ACSL1: variants seen among roughly 807,000 people sequenced by gnomAD.
The protein encoded by ACSL1 is acyl-CoA synthetase long chain family member 1.
ACSL1 carries 41 observed loss-of-function variants against 98.4 expected under a neutral mutation model. That is an observed-to-expected ratio of 0.42 (90% CI 0.32 to 0.54). The LOEUF (loss-of-function observed/expected upper bound fraction) is 0.54. Ranked by LOEUF, ACSL1 falls within the 20% of genes least tolerant of loss-of-function variation. The probability of loss-of-function intolerance (pLI) is 0.13; values close to 1 mark genes in which losing one functional copy is unlikely to be tolerated. For synonymous variants in ACSL1, 316 were observed against 322.7 expected, an observed-to-expected ratio of 0.98 and a Z score of 0.22; for missense variants, 734 against 883.1, an observed-to-expected ratio of 0.83 and a Z score of 2.14.
intron 5 of ACSL1, among the ~76,000 whole-genome samples, chr4:184,779,396 T>C (rs1418250755): frequency 5.3e-5 from 8 of 152,186 alleles, no homozygotes. Flanking sequence ...CCCCCAGCCA[T>C]GTGAAACTGC....
At position 184,803,549 on chromosome 4, in the gene ACSL1, G is replaced by A. The variant is rs1195127550; in HGVS notation, c.-32-3C>T. 8 of 1,428,992 alleles carry A rather than the reference G, an allele frequency of 5.6e-6. No homozygotes were observed. The African/African-American group carries it at 7.2e-5, about 13-fold the overall frequency. The allele number at this position is 1,428,992 out of a possible 1,614,324, so 88.5% of individuals were successfully genotyped here. ...TTGATAGTTCTCTAAGCTGAATTCT[G>A]TTGGGAGAGAAAAATGTCACGTTCG... On this transcript the variant is annotated splice_region_variant and splice_polypyrimidine_tract_variant and intron_variant, in intron 1 of 20. Coordinates refer to ENST00000281455, the MANE Select transcript of ACSL1 (RefSeq NM_001995.5). This position sits in a 1 kb window ranked among gnomAD's most constrained non-coding sequence, Gnocchi z 4.8.
rs530447467 is a variant in ACSL1, at chr4:184,766,937, C to T, written c.1129-181G>A. On this transcript the variant is annotated intron_variant, in intron 12 of 20. Coordinates refer to ENST00000281455, the MANE Select transcript of ACSL1 (RefSeq NM_001995.5). The surrounding 1 kb of genome is among the most constrained non-coding windows in gnomAD (Gnocchi z 4.8). ...AGCACAGGACAGCAATTCCACACCT[C>T]GGTATACACCCAGGAGCAATGGACA... Among the ~76,000 whole-genome samples the T allele has an allele frequency of 6.6e-6, 1 of 152,278 alleles. No homozygotes were observed. The highest frequency in any genetic ancestry group is 2.4e-5 in the African/African-American group (1 of 41,566).
chr4:184,809,219 G>A (rs1181146833), intron 1 of ACSL1, among the ~76,000 whole-genome samples: 1 of 152,100 alleles, frequency 6.6e-6, no homozygotes, highest in African/African-American at 2.4e-5. Flanking sequence ...ACCACTCCCT[G>A]CCCATCCCCT....
intron 1 of ACSL1, among the ~76,000 whole-genome samples, chr4:184,823,201 A>G (rs1365493741): frequency 6.6e-6 from 1 of 152,232 alleles, no homozygotes; most frequent in African/African-American, 2.4e-5. Context: ...ACCTCCTGTC[A>G]GATCACCGCC....
rs1415103332 is a variant in ACSL1 at position 184,766,051 on chromosome 4, C to T, written c.1264-65G>A. 2 of 1,518,758 alleles carry T rather than the reference C, an allele frequency of 1.3e-6. No homozygotes were observed. The highest frequency in any genetic ancestry group is 2.7e-5 in the African/African-American group (2 of 73,028). The allele number at this position is 1,518,758 out of a possible 1,614,324, so 94.1% of individuals were successfully genotyped here. On this transcript the variant is annotated intron_variant, in intron 13 of 20. Coordinates refer to ENST00000281455, the MANE Select transcript of ACSL1 (RefSeq NM_001995.5). This position sits in a 1 kb window ranked among gnomAD's most constrained non-coding sequence, Gnocchi z 4.8. ...ACCTGGAAGTCGGCGGCCTCTCCGC[C>T]AAGGGGGCCTGCTTGGGACCCCGTT...
intron 1 of ACSL1, among the ~76,000 whole-genome samples, chr4:184,804,648 T>C (rs1771111237): frequency 6.6e-6 from 1 of 151,640 alleles, no homozygotes; most frequent in African/African-American, 2.4e-5. Context: ...GCATATGAGC[T>C]GTATGATTTG....
chr4:184,760,308 G>A, intron 18 of ACSL1, 49 bp downstream of exon 18: 1 of 1,600,330 alleles, frequency 6.2e-7, no homozygotes. Flanking sequence ...GGAGTACCAG[G>A]CAATGGCAAT....
At chr4:184,789,984 G>A (rs750028913) in intron 2 of ACSL1, among the ~76,000 whole-genome samples, 5 of 151,754 alleles carry the variant, frequency 3.3e-5, no homozygotes, top group African/African-American at 1.2e-4. Flanking sequence ...CTGGTACCAA[G>A]AGGAGAGAGC....
At chr4:184,800,257 G>C (rs1040258934) in intron 2 of ACSL1, among the ~76,000 whole-genome samples, 1 of 152,186 alleles carries the variant, frequency 6.6e-6, no homozygotes, top group African/African-American at 2.4e-5. Context: ...AAATCCTGGT[G>C]AACTTGCCCA....
intron 17 of ACSL1, among the ~76,000 whole-genome samples, chr4:184,761,919 G>A (rs1307980021): frequency 6.6e-6 from 1 of 152,278 alleles, no homozygotes. Context: ...CTGAGGTCAG[G>A]AGTTTGAGAC....
chr4:184,775,175 G>T (rs1202976709), intron 7 of ACSL1, among the ~76,000 whole-genome samples: 2 of 152,122 alleles, frequency 1.3e-5, no homozygotes, highest in African/African-American at 4.8e-5. Context: ...TTGAGATGGA[G>T]TCTCGCTCTG....
intron 1 of ACSL1, chr4:184,821,437 G>A (rs1293580483): frequency 1.2e-5 from 2 of 172,926 alleles, no homozygotes; most frequent in African/African-American, 2.4e-5. Context: ...CCAGAATGAG[G>A]AAATGGTCTA....
intron 11 of ACSL1, 71 bp downstream of exon 11, chr4:184,770,328 G>A (rs1267976571): frequency 2.5e-6 from 4 of 1,589,308 alleles, no homozygotes; most frequent in South Asian, 1.1e-5. Flanking sequence ...CAAGGGAAGT[G>A]CTTTCTGTAA....
intron 15 of ACSL1, 134 bp from the exon 16 acceptor site, chr4:184,763,389 C>T: frequency 1.3e-6 from 1 of 760,988 alleles, no homozygotes; most frequent in South Asian, 1.6e-5. Flanking sequence ...CAATTACAGC[C>T]ATTCTCTTCC....
chr4:184,808,129 T>C (rs1771662797), intron 1 of ACSL1, among the ~76,000 whole-genome samples: 1 of 152,194 alleles, frequency 6.6e-6, no homozygotes, highest in African/African-American at 2.4e-5. Flanking sequence ...AGGCCCACTA[T>C]ACACAAAGGT....
chr4:184,762,320 G>T, intron 17 of ACSL1, 87 bp downstream of exon 17: 1 of 1,151,512 alleles, frequency 8.7e-7, no homozygotes, highest in Non-Finnish European at 1.3e-6. Context: ...GGGTGCCACT[G>T]CCACATGGCA....
chr4:184,818,961 G>A (rs761884839), intron 1 of ACSL1, among the ~76,000 whole-genome samples: 3 of 152,026 alleles, frequency 2.0e-5, no homozygotes, highest in Non-Finnish European at 2.9e-5. Context: ...CAGGATGGGA[G>A]TATTTCGATA....
At chr4:184,772,875 T>C (rs182208848) in intron 10 of ACSL1, among the ~76,000 whole-genome samples, 1 of 152,168 alleles carries the variant, frequency 6.6e-6, no homozygotes, top group South Asian at 2.1e-4. Context: ...TTCACCTTAA[T>C]TATCATAAGG....
rs1763355292 is a variant in ACSL1, at chr4:184,764,894, G to A, written c.1391C>T (p.Thr464Ile). The A allele has an allele frequency of 1.2e-6, 2 of 1,613,914 alleles. No homozygotes were observed. The highest frequency in any genetic ancestry group is 1.7e-6 in the Non-Finnish European group (2 of 1,179,966). Residue 464 changes from threonine to isoleucine, a missense_variant, in exon 15 of 21, where the codon ACT becomes ATT. Thr to Ile is a moderately conservative substitution (Grantham distance 89). Transcript: ENST00000281455. ...FYEGYGQTEC[T>I]AGCCLTMPGD... ...AGGCATGGTCAGGCAGCACCCGGCA[G>A]TGCACTCTGTCTGTCCGTATCCTTC...
Sources: gnomAD v4.1 joint callset for allele counts (sites outside exome capture counted in the v4.1 genomes callset) on GRCh38, gnomAD v4.1.1 for gene constraint, Gnocchi (gnomAD v3.1) non-coding constraint, MANE v1.5 for transcripts, NCBI Gene and HGNC (gene_info 2026-07-23, HGNC 2026-07-21) for gene names.